SGCD: variants seen among roughly 807,000 people sequenced by gnomAD.
SGCD encodes sarcoglycan delta.
A neutral mutation model predicts 36.6 loss-of-function variants in SGCD; 18 were observed. The ratio of observed to expected loss-of-function variants is 0.49; its 90% CI spans 0.34 to 0.73. SGCD has a LOEUF of 0.73. Ranked by LOEUF, SGCD falls within the 30% of genes least tolerant of loss-of-function variation. The pLI is 0.01. For missense variants in SGCD, 387 were observed against 346.7 expected (o/e 1.12, Z -0.92); for synonymous variants, 133 against 130.6 (o/e 1.02, Z -0.12).
At chr5:155,869,985 C>T (rs1020504481), upstream of SGCD, among the ~76,000 whole-genome samples, 3 of 143,534 alleles carry the variant, frequency 2.1e-5, no homozygotes, top group African/African-American at 2.7e-5. Flanking sequence ...CAAGGCAGAG[C>T]GAGACTCCGT....
chr5:156,229,277 C>CACATATATATAT (rs1554085595), intron 3 of SGCD, among the ~76,000 whole-genome samples: 3,325 of 56,586 alleles, frequency 0.059, 274 homozygotes, highest in Non-Finnish European at 0.081. Context: ...TATATACATA[C>CACATATATATAT]ATATATATAT....
chr5:155,900,419 CT>C (rs1364195874), intron 1 of SGCD, among the ~76,000 whole-genome samples: 1 of 150,782 alleles, frequency 6.6e-6, no homozygotes, highest in African/African-American at 2.5e-5. Context: ...TTGCAACTAG[CT>C]TTTTTTTATT....
intron 1 of SGCD, among the ~76,000 whole-genome samples, chr5:155,907,936 C>A (rs1279656563): frequency 6.6e-6 from 1 of 152,058 alleles, no homozygotes; most frequent in Non-Finnish European, 1.5e-5. Flanking sequence ...AAGAAAGAGT[C>A]AACCAAGGCT....
At chr5:156,104,794 TG>T (rs1761605552) in intron 1 of SGCD, among the ~76,000 whole-genome samples, 1 of 152,252 alleles carries the variant, frequency 6.6e-6, no homozygotes, top group African/African-American at 2.4e-5. Flanking sequence ...CAGCTTGCCT[TG>T]GCAAATTTTT....
chr5:156,640,252 T>C (rs1376554482), intron 6 of SGCD, among the ~76,000 whole-genome samples: 4 of 152,180 alleles, frequency 2.6e-5, no homozygotes, highest in Non-Finnish European at 4.4e-5. Context: ...ATGTACTATG[T>C]GAAGTGTGCA....
chr5:156,259,112 C>CTGTTTGTT (rs60308068), intron 3 of SGCD, among the ~76,000 whole-genome samples: 3 of 131,226 alleles, frequency 2.3e-5, no homozygotes, highest in East Asian at 2.1e-4. Context: ...CAAACACTGG[C>CTGTTTGTT]TGTTTATTTA....
chr5:156,333,783 ATTTTTTTTTTTTTTTTTTTTTTT>A (rs70984404), intron 2 of SGCD, among the ~76,000 whole-genome samples: 12 of 19,932 alleles, frequency 6.0e-4, no homozygotes, highest in Non-Finnish European at 9.5e-4. Flanking sequence ...TAGAAAAGTG[ATTTTTTTTTTTTTTTTTTTTTTT>A]TTTTTTTTTT....
chr5:156,746,507 A>G (rs1756943914), intron 7 of SGCD, among the ~76,000 whole-genome samples: 1 of 152,228 alleles, frequency 6.6e-6, no homozygotes, highest in East Asian at 1.9e-4. Context: ...CAGAACTAAG[A>G]GAATTAAGAC....
At chr5:155,755,688 T>G in the SGCD span, among the ~76,000 whole-genome samples, 1 of 152,036 alleles carries the variant, frequency 6.6e-6, no homozygotes, top group East Asian at 1.9e-4. Context: ...GCTGGATCCT[T>G]CTGTGTTCTT....
At chr5:156,283,499 C>T (rs1766512473) in intron 3 of SGCD, among the ~76,000 whole-genome samples, 1 of 152,280 alleles carries the variant, frequency 6.6e-6, no homozygotes, top group Admixed American at 6.5e-5. Context: ...CTGTGATGAG[C>T]TGATGAGCAT....
At chr5:156,739,082 TAAAAGG>T (rs1329358224) in intron 7 of SGCD, among the ~76,000 whole-genome samples, 2 of 152,166 alleles carry the variant, frequency 1.3e-5, no homozygotes, top group African/African-American at 4.8e-5. Flanking sequence ...GGGAAACATC[TAAAAGG>T]TAACATAACA....
At chr5:156,708,816 A>G (rs1045787481) in intron 7 of SGCD, among the ~76,000 whole-genome samples, 1 of 152,222 alleles carries the variant, frequency 6.6e-6, no homozygotes, top group Admixed American at 6.5e-5. Flanking sequence ...AGAGGTTTAT[A>G]TACCATTTTT....
At chr5:155,760,069 C>T in the SGCD span, among the ~76,000 whole-genome samples, 1 of 152,100 alleles carries the variant, frequency 6.6e-6, no homozygotes, top group Non-Finnish European at 1.5e-5. Flanking sequence ...ATCATCATCA[C>T]CCTCTCCATC....
intron 1 of SGCD, among the ~76,000 whole-genome samples, chr5:156,055,780 C>T (rs1332844530): frequency 1.4e-5 from 2 of 145,882 alleles, no homozygotes; most frequent in Non-Finnish European, 3.1e-5. Flanking sequence ...AGCCTCAGAG[C>T]CATATACTCT....
intron 2 of SGCD, among the ~76,000 whole-genome samples, chr5:156,329,964 C>T (rs1381728129): frequency 7.2e-6 from 1 of 138,568 alleles, no homozygotes; most frequent in Non-Finnish European, 1.5e-5. Flanking sequence ...TTGCAGTGAG[C>T]CAAGATGGCG....
At chr5:156,124,511 C>T (rs1348076863) in intron 3 of SGCD, among the ~76,000 whole-genome samples, 1 of 152,202 alleles carries the variant, frequency 6.6e-6, no homozygotes, top group Non-Finnish European at 1.5e-5. Flanking sequence ...CTGGAGCAGA[C>T]TCTAAGTTGA....
At chr5:156,295,770 T>C (rs901038227) in intron 3 of SGCD, among the ~76,000 whole-genome samples, 1 of 152,186 alleles carries the variant, frequency 6.6e-6, no homozygotes, top group Non-Finnish European at 1.5e-5. Context: ...TAGCTCTTAT[T>C]TAACCTATAT....
chr5:156,155,613 G>A (rs1466863583), intron 3 of SGCD, among the ~76,000 whole-genome samples: 11 of 131,150 alleles, frequency 8.4e-5, no homozygotes, highest in Non-Finnish European at 1.1e-4. Context: ...CGTGGGCTAG[G>A]AAAAAAAAAA....
chr5:156,499,037 G>A (rs1004346330), intron 3 of SGCD, among the ~76,000 whole-genome samples: 6 of 141,200 alleles, frequency 4.2e-5, no homozygotes, highest in African/African-American at 7.7e-5. Flanking sequence ...TTGCCTTTTC[G>A]TCTTAGTGTT....
Sources: gnomAD v4.1 joint callset for allele counts (sites outside exome capture counted in the v4.1 genomes callset) on GRCh38, gnomAD v4.1.1 for gene constraint, MANE v1.5 for transcripts, NCBI Gene and HGNC (gene_info 2026-07-23, HGNC 2026-07-21) for gene names.